The following IL17REL variants were observed in gnomAD, a reference collection of about 807,000 sequenced individuals.
IL17REL encodes the protein interleukin 17 receptor E like, also known as interleukin-17 receptor E-like protein.
Under a neutral mutation model 49.0 loss-of-function variants are expected in IL17REL, and 36 were observed. The ratio of observed to expected loss-of-function variants is 0.73; its 90% CI spans 0.56 to 0.97. The LOEUF is 0.97. Ranked by LOEUF, IL17REL falls within the 50% of genes least tolerant of loss-of-function variation. The pLI, the probability that IL17REL is intolerant of heterozygous loss-of-function variation, is 0.00. For synonymous variants in IL17REL, 206 were observed against 192.4 expected (o/e 1.07, Z -0.58); for missense variants, 470 against 453.9 (o/e 1.04, Z -0.32).
At chr22:50,007,391 G>A (rs1047648970) in intron 1 of IL17REL, among the ~76,000 whole-genome samples, 3 of 152,078 alleles carry the variant, frequency 2.0e-5, no homozygotes, top group African/African-American at 7.2e-5. Flanking sequence ...GTTTTTATGA[G>A]GCAGAGTCTC....
intron 1 of IL17REL, among the ~76,000 whole-genome samples, chr22:50,008,023 G>A (rs1440279348): frequency 6.6e-6 from 1 of 152,096 alleles, no homozygotes; most frequent in Admixed American, 6.5e-5. Context: ...AGGATCGCTT[G>A]AGCCCAGGAG....
intron 2 of IL17REL, 52 bp from the exon 4 acceptor site, chr22:50,000,915 C>T (rs2061075605): frequency 7.1e-7 from 1 of 1,412,058 alleles, no homozygotes; most frequent in Non-Finnish European, 9.5e-7. Flanking sequence ...CCGCCCCTGG[C>T]TCCGGACGGG....
chr22:49,997,626 G>A lies in IL17REL; in HGVS notation c.877+59C>T. The A allele has an allele frequency of 2.6e-6, 4 of 1,526,906 alleles. No homozygotes were observed. The South Asian group carries it at 4.5e-5, about 17-fold the overall frequency. The allele number at this position is 1,526,906 out of a possible 1,614,324, so 94.6% of individuals were successfully genotyped here. On this transcript the variant is annotated intron_variant, in intron 10 of 12. Transcript: ENST00000341280. ...ATTCCACCTCCCTGACCAGCACAGA[G>A]TGATATAAAGGATGTTCTGTGCTGC...
In IL17REL at chr22:49,999,603, G is replaced by A. The variant is rs1056073322; in HGVS notation, c.475-101C>T. ...AACGGGGCGGGAGCGGGGACGGGAGGTGGGTGGGGCCTAGGCCTGGCCGGG... is the reference window on the plus strand; with the variant it reads ...AACGGGGCGGGAGCGGGGACGGGAGATGGGTGGGGCCTAGGCCTGGCCGGG... On this transcript the variant is annotated intron_variant, in intron 5 of 12. Transcript: ENST00000341280. 4 of 929,926 alleles carry A rather than the reference G, an allele frequency of 4.3e-6. No homozygotes were observed. In the African/African-American group the frequency reaches 6.6e-5, roughly 15 times the overall value. 57.6% of individuals were successfully genotyped at this position (929,926 alleles called of 1,614,324 possible).
Position 50,000,177 on chromosome 22 carries a change from G to A in IL17REL, c.335-210C>T, listed in dbSNP as rs2061069547. On this transcript the variant is annotated intron_variant, in intron 4 of 12. Transcript: ENST00000341280. ...AGCGTCTGAGGGTCTTCGCAGGGGCGTCGAAGGAGGGAACTCACCGAGGCA... is the reference window on the plus strand; with the variant it reads ...AGCGTCTGAGGGTCTTCGCAGGGGCATCGAAGGAGGGAACTCACCGAGGCA... 6.6e-6 allele frequency among the ~76,000 whole-genome samples: 1 copy of A among 152,240 alleles called. No homozygotes were observed. The highest frequency in any genetic ancestry group is 2.4e-5 in the African/African-American group (1 of 41,470).
At chr22:49,999,716 C>A (rs1425350751) in intron 5 of IL17REL, 112 bp downstream of exon 7, 1 of 391,890 alleles carries the variant, frequency 2.6e-6, no homozygotes, top group Non-Finnish European at 3.0e-6. Flanking sequence ...GGGGGCGGGG[C>A]GCGGGGGGTG....
At chr22:49,997,112 A>G in intron 11 of IL17REL, 38 bp from the exon 14 acceptor site, 2 of 1,550,240 alleles carry the variant, frequency 1.3e-6, no homozygotes, top group Non-Finnish European at 1.7e-6. Flanking sequence ...AATGGGAGGA[A>G]GGGTGGATCA....
chr22:49,997,506 C>A lies in IL17REL; in HGVS notation c.878-90G>T. ...AGGCTGTGGGGAGTGAAGGGTGAGACCCCCATCCGGCCCAGCACCCCACCG... is the reference window on the plus strand; with the variant it reads ...AGGCTGTGGGGAGTGAAGGGTGAGAACCCCATCCGGCCCAGCACCCCACCG... On this transcript the variant is annotated intron_variant, in intron 10 of 12. Transcript: ENST00000341280. 5.0e-6 allele frequency: 7 copies of A among 1,413,954 alleles called. No homozygotes were observed. The South Asian group carries it at 7.2e-5, about 15-fold the overall frequency. The allele number at this position is 1,413,954 out of a possible 1,614,324, so 87.6% of individuals were successfully genotyped here. A position where few individuals can be genotyped will look rare whatever the true frequency, so the allele number is the denominator to read the frequency against.
upstream of IL17REL, among the ~76,000 whole-genome samples, chr22:50,010,782 C>G (rs1288572583): frequency 3.1e-4 from 42 of 134,136 alleles, no homozygotes; most frequent in African/African-American, 1.3e-3. Context: ...GGGAGCGGGA[C>G]CCGGGCGCGC....
chr22:49,995,990 A>T (rs1335574561), exon 13 of IL17REL: 1 of 152,456 alleles, frequency 6.6e-6, no homozygotes, highest in Non-Finnish European at 1.5e-5. Flanking sequence ...GATCTGCTGG[A>T]GGTGACCTTT....
chr22:50,010,078 C>A (rs1032740868), upstream of IL17REL, among the ~76,000 whole-genome samples: 1 of 151,758 alleles, frequency 6.6e-6, no homozygotes, highest in African/African-American at 2.4e-5. Context: ...TCTGAGTCTT[C>A]GTTCTCACCC....
At chr22:49,999,197 C>T (rs2061058197) in intron 7 of IL17REL, 94 bp downstream of exon 9, 1 of 1,470,684 alleles carries the variant, frequency 6.8e-7, no homozygotes. Context: ...GGGCCTGCTC[C>T]TTATCTCATC....
chr22:49,992,242 A>G (rs1284978080), downstream of IL17REL, among the ~76,000 whole-genome samples: 1 of 152,168 alleles, frequency 6.6e-6, no homozygotes, highest in East Asian at 1.9e-4. Flanking sequence ...CTTGCGTGCC[A>G]GGACACCCCG....
At chr22:49,998,052 C>T (rs2061047838) in exon 9 of IL17REL, 6 of 1,593,260 alleles carry the variant, frequency 3.8e-6, no homozygotes, top group Admixed American at 1.9e-5. Flanking sequence ...GCTGGGTGTC[C>T]ACCAGCGGGT....
chr22:49,998,723 G>A (rs1176678490), intron 7 of IL17REL, among the ~76,000 whole-genome samples: 1 of 151,590 alleles, frequency 6.6e-6, no homozygotes, highest in Admixed American at 6.6e-5. Flanking sequence ...GTACGTGTTT[G>A]CATGTGTATG....
upstream of IL17REL, among the ~76,000 whole-genome samples, chr22:50,010,594 C>T (rs895161445): frequency 1.3e-5 from 2 of 152,228 alleles, no homozygotes; most frequent in Admixed American, 1.3e-4. Context: ...CCGCTGGGGG[C>T]TCGGAGGCCG....
At chr22:49,999,847 T>G in exon 5 of IL17REL, 1 of 1,519,670 alleles carries the variant, frequency 6.6e-7, no homozygotes, top group Non-Finnish European at 8.8e-7. Context: ...GGCGCCGGCG[T>G]CCTCGCAGGT....
upstream of IL17REL, among the ~76,000 whole-genome samples, chr22:50,010,157 G>A (rs1036494296): frequency 2.0e-5 from 3 of 152,198 alleles, no homozygotes; most frequent in Non-Finnish European, 2.9e-5. Context: ...ACCCTCCTCC[G>A]CCTGCCATGG....
chr22:50,001,369 C>A (rs5771184), intron 1 of IL17REL, 138 bp from the exon 3 acceptor site: 1 of 581,786 alleles, frequency 1.7e-6, no homozygotes, highest in Non-Finnish European at 3.1e-6. Flanking sequence ...CCCAGGCCAA[C>A]TGGAGAGCAA....
Sources: gnomAD v4.1 joint callset for allele counts (sites outside exome capture counted in the v4.1 genomes callset) on GRCh38, gnomAD v4.1.1 for gene constraint, MANE v1.5 for transcripts, NCBI Gene and HGNC (gene_info 2026-07-23, HGNC 2026-07-21) for gene names.